The following AKAP19 variants were observed in gnomAD, a reference collection of about 807,000 sequenced individuals.
The protein encoded by AKAP19 is small A-kinase anchoring protein.
At chr2:190,169,437 A>AG in the AKAP19 span, among the ~76,000 whole-genome samples, 612 of 152,296 alleles carry the variant, frequency 4.0e-3, 3 homozygotes, top group Middle Eastern at 0.02. Context: ...TAAGAGCATG[A>AG]GGCACTCTGA....
At chr2:189,917,198 C>T in the AKAP19 span, 8 of 789,320 alleles carry the variant, frequency 1.0e-5, no homozygotes, top group Non-Finnish European at 1.6e-5. Flanking sequence ...AAGTTTCAAA[C>T]AAAATGCAGT....
chr2:189,924,320 A>G, the AKAP19 span: 3 of 961,022 alleles, frequency 3.1e-6, no homozygotes, highest in Non-Finnish European at 4.9e-6. Context: ...TCTTCAGCAC[A>G]TGCTCACTGT....
the AKAP19 span, among the ~76,000 whole-genome samples, chr2:189,939,239 GTT>G: frequency 6.6e-6 from 1 of 152,168 alleles, no homozygotes; most frequent in South Asian, 2.1e-4. Context: ...TAGGAGGTTT[GTT>G]CCATCGTTCC....
chr2:189,921,554 C>G, the AKAP19 span, among the ~76,000 whole-genome samples: 2 of 151,936 alleles, frequency 1.3e-5, no homozygotes, highest in South Asian at 2.1e-4. Flanking sequence ...TTTAAAGGAG[C>G]AGAAAAATGG....
At chr2:190,167,518 G>T in the AKAP19 span, among the ~76,000 whole-genome samples, 1 of 152,188 alleles carries the variant, frequency 6.6e-6, no homozygotes, top group African/African-American at 2.4e-5. Context: ...GAAGTCCACA[G>T]CCAAAATGAG....
the AKAP19 span, among the ~76,000 whole-genome samples, chr2:190,007,283 C>T: frequency 6.6e-6 from 1 of 152,252 alleles, no homozygotes; most frequent in East Asian, 1.9e-4. Flanking sequence ...CTACTCTGTC[C>T]AAAAATTGAG....
At chr2:189,923,723 G>A in the AKAP19 span, 4 of 1,613,744 alleles carry the variant, frequency 2.5e-6, no homozygotes, top group South Asian at 1.1e-5. Flanking sequence ...CCCAGCACGT[G>A]TACCTCCTCC....
At chr2:190,122,137 G>GA in the AKAP19 span, among the ~76,000 whole-genome samples, 1 of 152,176 alleles carries the variant, frequency 6.6e-6, no homozygotes, top group Non-Finnish European at 1.5e-5. Context: ...TATTTTAAAA[G>GA]AAGCAGTTGA....
chr2:189,984,676 T>C, the AKAP19 span, among the ~76,000 whole-genome samples: 1 of 152,190 alleles, frequency 6.6e-6, no homozygotes, highest in Non-Finnish European at 1.5e-5. Context: ...GTCCATGAAA[T>C]CTTCACAACT....
the AKAP19 span, among the ~76,000 whole-genome samples, chr2:190,051,822 T>TTTTA: frequency 0.026 from 3,863 of 149,654 alleles, 144 homozygotes; most frequent in African/African-American, 0.077. Flanking sequence ...TTTTTTTATT[T>TTTTA]TTTATTTATT....
the AKAP19 span, among the ~76,000 whole-genome samples, chr2:190,164,348 A>G: frequency 6.6e-6 from 1 of 152,136 alleles, no homozygotes; most frequent in South Asian, 2.1e-4. Flanking sequence ...CAGCCCGGGA[A>G]ACATGGTGAA....
At chr2:190,112,356 G>A in the AKAP19 span, among the ~76,000 whole-genome samples, 2 of 152,020 alleles carry the variant, frequency 1.3e-5, no homozygotes, top group Non-Finnish European at 2.9e-5. Flanking sequence ...ATTCTTATAT[G>A]TTGATCTCAT....
the AKAP19 span, among the ~76,000 whole-genome samples, chr2:190,119,785 A>C: frequency 1.3e-5 from 2 of 152,214 alleles, no homozygotes; most frequent in Non-Finnish European, 2.9e-5. Context: ...TTCTGAAAAA[A>C]ACAGATATTT....
At chr2:190,062,673 A>T in the AKAP19 span, 2 of 1,455,188 alleles carry the variant, frequency 1.4e-6, no homozygotes, top group Non-Finnish European at 1.9e-6. Context: ...GAGTAATGCC[A>T]AGCAAAATTT....
At chr2:189,976,498 C>G in the AKAP19 span, among the ~76,000 whole-genome samples, 1 of 152,212 alleles carries the variant, frequency 6.6e-6, no homozygotes, top group Non-Finnish European at 1.5e-5. Context: ...CTACTCTCTT[C>G]AAAGCTGTCA....
chr2:189,982,521 T>C, the AKAP19 span, among the ~76,000 whole-genome samples: 1 of 152,226 alleles, frequency 6.6e-6, no homozygotes, highest in Non-Finnish European at 1.5e-5. Context: ...TTAGCATCCA[T>C]CGCTAGAGCT....
At chr2:189,981,926 C>T in the AKAP19 span, among the ~76,000 whole-genome samples, 3 of 152,104 alleles carry the variant, frequency 2.0e-5, no homozygotes, top group African/African-American at 7.2e-5. Context: ...CCTTAGCTGC[C>T]TCTAAGATTT....
At chr2:190,106,248 G>A in the AKAP19 span, among the ~76,000 whole-genome samples, 1 of 152,182 alleles carries the variant, frequency 6.6e-6, no homozygotes, top group Non-Finnish European at 1.5e-5. Context: ...GTTCTGAGGA[G>A]CCTAAATTAC....
chr2:190,194,476 A>G, the AKAP19 span, among the ~76,000 whole-genome samples: 5 of 117,162 alleles, frequency 4.3e-5, no homozygotes, highest in African/African-American at 1.4e-4. Context: ...TATCCTGTGT[A>G]TACACACACA....
Sources: allele counts gnomAD v4.1 joint callset (sites outside exome capture counted in the v4.1 genomes callset), GRCh38; gene constraint gnomAD v4.1.1; transcripts MANE v1.5; gene names NCBI Gene and HGNC (gene_info 2026-07-23, HGNC 2026-07-21).